The following NEDD4L variants were observed in gnomAD, a reference collection of about 807,000 sequenced individuals.
NEDD4L encodes the protein NEDD4 like E3 ubiquitin protein ligase.
A neutral mutation model predicts 148.9 loss-of-function variants in NEDD4L; 54 were observed. The ratio of observed to expected loss-of-function variants is 0.36; its 90% CI spans 0.29 to 0.45. The LOEUF (loss-of-function observed/expected upper bound fraction) is 0.45, where lower values mean the gene tolerates loss of function less well. Among genes scored for constraint, NEDD4L ranks in the 20% least tolerant of loss-of-function variants. NEDD4L has a pLI of 1.00. For missense variants in NEDD4L, 856 were observed against 1,233.8 expected (o/e 0.69, Z 4.59); for synonymous variants, 433 against 440.7 (o/e 0.98, Z 0.22).
chr18:58,200,696 G>A (rs1435837187), intron 2 of NEDD4L, among the ~76,000 whole-genome samples: 1 of 152,206 alleles, frequency 6.6e-6, no homozygotes, highest in Non-Finnish European at 1.5e-5. Flanking sequence ...TACCAGAGGG[G>A]CCAGTATGAA....
intron 5 of NEDD4L, among the ~76,000 whole-genome samples, chr18:58,270,801 T>C (rs1293986817): frequency 1.3e-5 from 2 of 152,056 alleles, no homozygotes; most frequent in African/African-American, 4.8e-5. Flanking sequence ...CTGCCTCTCA[T>C]CTGCTTGAAG....
chr18:58,220,112 T>G lies in NEDD4L; in HGVS notation c.123-25315T>G, dbSNP rs114405376. Among the ~76,000 whole-genome samples the G allele has an allele frequency of 5.7e-3, 875 of 152,260 alleles. 7 individuals carry two copies. Among genetic ancestry groups the G allele is most frequent in the African/African-American group, 0.019 (805 of 41,530 alleles). On this transcript the variant is annotated intron_variant, in intron 2 of 30. Coordinates refer to ENST00000400345, the MANE Select transcript of NEDD4L (RefSeq NM_001144967.3). ...GAAAACTTGAGATGTTCCTCTTGTTTTAAGAATTTGACTGAAAACGGGCTG... is the reference window on the plus strand; with the variant it reads ...GAAAACTTGAGATGTTCCTCTTGTTGTAAGAATTTGACTGAAAACGGGCTG...
At chr18:58,187,135 C>T (rs1377200237) in intron 2 of NEDD4L, among the ~76,000 whole-genome samples, 1 of 152,174 alleles carries the variant, frequency 6.6e-6, no homozygotes, top group African/African-American at 2.4e-5. Flanking sequence ...TTTCAAGACC[C>T]CACGGAGGGT....
chr18:58,259,711 G>A (rs2049092818), intron 5 of NEDD4L, among the ~76,000 whole-genome samples: 1 of 152,138 alleles, frequency 6.6e-6, no homozygotes, highest in African/African-American at 2.4e-5. Flanking sequence ...TAATGTAAAC[G>A]GAGGGAGGAG....
chr18:58,067,887 G>A (rs1264505556), intron 1 of NEDD4L, among the ~76,000 whole-genome samples: 1 of 152,200 alleles, frequency 6.6e-6, no homozygotes, highest in Non-Finnish European at 1.5e-5. Flanking sequence ...GTCGAGGTTG[G>A]GAATTGGACT....
chr18:58,384,438 C>T (rs1345260284), intron 25 of NEDD4L, among the ~76,000 whole-genome samples: 5 of 152,220 alleles, frequency 3.3e-5, no homozygotes, highest in Non-Finnish European at 7.3e-5. Flanking sequence ...TAGCTGATGA[C>T]ATCCTGGCAG....
At chr18:58,149,105 A>C (rs1424430749) in intron 1 of NEDD4L, among the ~76,000 whole-genome samples, 1 of 152,210 alleles carries the variant, frequency 6.6e-6, no homozygotes, top group East Asian at 1.9e-4. Flanking sequence ...GCGTGGGGAA[A>C]ACATGAAATA....
chr18:58,071,060 C>A (rs1050412362), intron 1 of NEDD4L, among the ~76,000 whole-genome samples: 1 of 152,118 alleles, frequency 6.6e-6, no homozygotes, highest in Non-Finnish European at 1.5e-5. Context: ...ACACACACCT[C>A]GGTTTCTGCC....
At chr18:58,130,186 G>A (rs1468701857) in intron 1 of NEDD4L, among the ~76,000 whole-genome samples, 1 of 147,540 alleles carries the variant, frequency 6.8e-6, no homozygotes, top group Non-Finnish European at 1.5e-5. Context: ...GCGGAACTGT[G>A]GCGGTGTTGG....
chr18:58,184,811 C>G (rs1307050052), intron 2 of NEDD4L, among the ~76,000 whole-genome samples: 1 of 151,966 alleles, frequency 6.6e-6, no homozygotes, highest in Non-Finnish European at 1.5e-5. Flanking sequence ...GCCTGTAGTC[C>G]CAGCTACTTG....
intron 5 of NEDD4L, among the ~76,000 whole-genome samples, chr18:58,315,467 A>G (rs1378183884): frequency 6.7e-6 from 1 of 148,292 alleles, no homozygotes; most frequent in Non-Finnish European, 1.5e-5. Context: ...CACTTACTAG[A>G]TTAAAAAAAA....
chr18:58,193,026 C>A (rs151109821), intron 2 of NEDD4L, among the ~76,000 whole-genome samples: 4 of 152,150 alleles, frequency 2.6e-5, no homozygotes, highest in African/African-American at 9.7e-5. Context: ...GTGGCAGTTG[C>A]AAAGGTTTTT....
At chr18:58,264,915 T>A (rs1020386113) in intron 5 of NEDD4L, among the ~76,000 whole-genome samples, 4 of 152,116 alleles carry the variant, frequency 2.6e-5, no homozygotes, top group African/African-American at 9.7e-5. Context: ...AGCCCTATCC[T>A]TCTTGACGTT....
chr18:58,111,793 A>C (rs1161434325), intron 1 of NEDD4L, among the ~76,000 whole-genome samples: 1 of 152,162 alleles, frequency 6.6e-6, no homozygotes, highest in East Asian at 1.9e-4. Context: ...TATGTAGTAC[A>C]TTCTTGTACA....
At chr18:58,140,161 C>T (rs368257102) in intron 1 of NEDD4L, among the ~76,000 whole-genome samples, 15 of 152,140 alleles carry the variant, frequency 9.9e-5, no homozygotes, top group African/African-American at 2.9e-4. Flanking sequence ...CAGAGGGCCC[C>T]GATCTAGCTA....
At chr18:58,219,595 T>TG (rs34697992) in intron 2 of NEDD4L, among the ~76,000 whole-genome samples, 56,234 of 151,620 alleles carry the variant, frequency 0.37, 10,811 homozygotes, top group East Asian at 0.74. Flanking sequence ...GACTTGCAGA[T>TG]GCTCCTCTGG....
chr18:58,343,157 T>C, intron 16 of NEDD4L, 54 bp downstream of exon 16: 1 of 1,459,356 alleles, frequency 6.9e-7, no homozygotes, highest in Middle Eastern at 1.8e-4. Flanking sequence ...CTGGCATTAA[T>C]TCCTTGATTT....
At chr18:58,051,353 T>C (rs2081861168) in intron 1 of NEDD4L, among the ~76,000 whole-genome samples, 1 of 152,256 alleles carries the variant, frequency 6.6e-6, no homozygotes, top group African/African-American at 2.4e-5. Context: ...GGATGAATTG[T>C]GTTGTGTATG....
Position 58,396,214 on chromosome 18 carries a change from G to A in NEDD4L, c.2873G>A (p.Arg958Gln), listed in dbSNP as rs777624478. ...LPPYETFEDL[R>Q]EKLLMAVENA... ...CCATATGAAACCTTTGAAGATTTAC[G>A]AGAGAAACTTCTCATGGCCGTGGAA... Residue 958 changes from arginine to glutamine, a missense_variant, in exon 31 of 31, where the codon CGA becomes CAA. Physicochemically the swap from Arg to Gln is conservative, Grantham distance 43. Coordinates refer to ENST00000400345, the MANE Select transcript of NEDD4L (RefSeq NM_001144967.3). 8.1e-6 allele frequency: 13 copies of A among 1,613,470 alleles called. No individual in the cohort carries two copies. The highest frequency in any genetic ancestry group is 4.0e-5 in the African/African-American group (3 of 74,896).
Sources: allele counts gnomAD v4.1 joint callset (sites outside exome capture counted in the v4.1 genomes callset), GRCh38; gene constraint gnomAD v4.1.1; transcripts MANE v1.5; gene names NCBI Gene and HGNC (gene_info 2026-07-23, HGNC 2026-07-21).